Variants in BRCA2 observed in about 807,000 individuals in gnomAD.
BRCA2 encodes the protein breast cancer type 2 susceptibility protein.
BRCA2 carries 203 observed loss-of-function variants against 276.7 expected under a neutral mutation model. The observed-to-expected ratio is 0.73, with a 90% CI of 0.65 to 0.82. BRCA2 has a LOEUF of 0.82. Ranked by LOEUF, BRCA2 falls within the 40% of genes least tolerant of loss-of-function variation. BRCA2 has a pLI of 0.00. For synonymous variants in BRCA2, 1,289 were observed against 1,338.4 expected (o/e 0.96, Z 0.81); for missense variants, 3,920 against 3,915.0 (o/e 1.00, Z -0.03).
Position 32,340,859 on chromosome 13 carries a change from A to C in BRCA2, c.6504A>C (p.Gly2168=), listed in dbSNP as rs755877503. The C allele has an allele frequency of 6.2e-7, 1 of 1,600,344 alleles. No individual in the cohort carries two copies. The highest frequency in any genetic ancestry group is 1.1e-5 in the South Asian group (1 of 87,584). ...AAGACAAACAACAGTTGGTATTAGG[A>C]ACCAAAGTGTCACTTGTTGAGAACA... is the stretch of plus-strand genomic sequence containing the variant. ...FQQDKQQLVL[G]TKVSLVENIH... The change falls in exon 11 of 27, where the codon GGA becomes GGC. Residue 2168 remains glycine (G), a synonymous_variant. Coordinates refer to ENST00000380152, the MANE Select transcript of BRCA2 (RefSeq NM_000059.4).
At chr13:32,370,701 G>C in intron 19 of BRCA2, 144 bp downstream of exon 19, 1 of 994,298 alleles carries the variant, frequency 1.0e-6, no homozygotes, top group South Asian at 1.5e-5. Context: ...TCCACCTCCC[G>C]GGTTCAAGTG....
chr13:32,339,459 C>T lies in BRCA2; in HGVS notation c.5104C>T (p.Pro1702Ser), dbSNP rs80358734. The change falls in exon 11 of 27, where the codon CCA (proline) becomes TCA (serine). Residue 1702 changes from proline to serine, a missense_variant. Coordinates refer to ENST00000380152, the MANE Select transcript of BRCA2 (RefSeq NM_000059.4). ...WLREGIFDGQ[P>S]ERINTADYVG... is the part of the protein sequence containing the mutation. ...TAGAGAAGGAATATTTGATGGTCAA[C>T]CAGAAAGAATAAATACTGCAGATTA... The T allele has an allele frequency of 3.2e-6, 5 of 1,586,520 alleles. No homozygotes were observed. In the South Asian group the frequency reaches 4.6e-5, roughly 15 times the overall value.
chr13:32,368,639 A>C (rs2072804263), intron 18 of BRCA2, among the ~76,000 whole-genome samples: 1 of 151,830 alleles, frequency 6.6e-6, no homozygotes, highest in African/African-American at 2.4e-5. Context: ...GTCAGCTCAT[A>C]GGGTAGTAAT....
chr13:32,341,046 G>A lies in BRCA2; in HGVS notation c.6691G>A (p.Ala2231Thr), dbSNP rs758379999. 6.2e-7 allele frequency: 1 copy of A among 1,613,914 alleles called. No homozygotes were observed. Residue 2231 changes from alanine (A) to threonine (T), a missense_variant, in exon 11 of 27, where the codon GCT becomes ACT. Transcript: ENST00000380152. Reference protein sequence around the residue: ...NYFETEAVEIAKAFMEDDELT... With the variant: ...NYFETEAVEITKAFMEDDELT... The stretch of plus-strand genomic sequence containing the variant: ...CTTTGAAACAGAAGCAGTAGAAATT[G>A]CTAAAGCTTTTATGGAAGATGATGA...
chr13:32,331,064 T>G (rs1566221593), intron 9 of BRCA2, 34 bp downstream of exon 9: 19 of 1,488,712 alleles, frequency 1.3e-5, no homozygotes, highest in Non-Finnish European at 1.9e-6. Flanking sequence ...TACAGGTTTT[T>G]TTGTTGTTGT....
Position 32,316,523 on chromosome 13 carries a change from A to G in BRCA2, c.63A>G (p.Lys21=), listed in dbSNP as rs1280004443. ...FFEIFKTRCN[K]ADLGPISLNW... is the part of the protein sequence containing the mutation. ...AAATTTTTAAGACACGCTGCAACAAAGCAGGTATTGACAAATTTTATATAA... is the reference window on the plus strand; with the variant it reads ...AAATTTTTAAGACACGCTGCAACAAGGCAGGTATTGACAAATTTTATATAA... The change falls in exon 2 of 27, where the codon AAA becomes AAG. Residue 21 remains lysine, a synonymous_variant. Transcript: ENST00000380152. The G allele has an allele frequency of 1.2e-6, 2 of 1,613,724 alleles. No homozygotes were observed. Among genetic ancestry groups the G allele is most frequent in the East Asian group, 4.5e-5 (2 of 44,882 alleles).
Position 32,367,696 on chromosome 13 carries a change from G to A in BRCA2, c.8332-2706G>A, listed in dbSNP as rs190405464. On this transcript the variant is annotated intron_variant, in intron 18 of 26. Coordinates refer to ENST00000380152, the MANE Select transcript of BRCA2 (RefSeq NM_000059.4). The stretch of plus-strand genomic sequence containing the variant: ...TATAGTCCCAGCTACTTGAGAGGCC[G>A]TGGTGGGAGGATGACCTGAGCCCAG... 9.6e-4 allele frequency among the ~76,000 whole-genome samples: 146 copies of A among 151,490 alleles called. 1 individual carries two copies. Among genetic ancestry groups the A allele is most frequent in the Admixed American group, 3.4e-3 (52 of 15,222 alleles).
chr13:32,337,553 TA>T lies in BRCA2; in HGVS notation c.3199del (p.Thr1067LeufsTer10), dbSNP rs80359377. 6.2e-7 allele frequency: 1 copy of T among 1,607,990 alleles called. No individual in the cohort carries two copies. The highest frequency in any genetic ancestry group is 8.5e-7 in the Non-Finnish European group (1 of 1,176,898). ...AACTGAGCAAGCCTCAGTCAATTAATACTGTATCTGCACATTTACAGAGTAG... is the reference window on the plus strand; with the variant it reads ...AACTGAGCAAGCCTCAGTCAATTAATCTGTATCTGCACATTTACAGAGTAG... ...KKLSKPQSIN[T>X]VSAHLQSSVV... On this transcript the variant is annotated frameshift_variant, in exon 11 of 27. Transcript: ENST00000380152. LOFTEE classifies it high-confidence loss of function.
intron 13 of BRCA2, among the ~76,000 whole-genome samples, chr13:32,353,442 G>T (rs540249365): frequency 6.6e-6 from 1 of 150,832 alleles, no homozygotes; most frequent in Non-Finnish European, 1.5e-5. Context: ...GAACTATTCC[G>T]TGGTGTGCCA....
At chr13:32,343,709 G>GAA (rs139939339) in intron 11 of BRCA2, among the ~76,000 whole-genome samples, 7 of 147,904 alleles carry the variant, frequency 4.7e-5, no homozygotes, top group Middle Eastern at 3.5e-3. Flanking sequence ...TCCACCTAGG[G>GAA]AAAAAAAAAA....
intron 8 of BRCA2, 59 bp downstream of exon 8, chr13:32,329,551 G>T: frequency 7.8e-7 from 1 of 1,286,364 alleles, no homozygotes; most frequent in African/African-American, 1.5e-5. Context: ...GGAATGCCTT[G>T]TTAAATTATT....
chr13:32,388,781 C>G (rs1327119755), intron 24 of BRCA2, among the ~76,000 whole-genome samples: 1 of 150,364 alleles, frequency 6.7e-6, no homozygotes, highest in Non-Finnish European at 1.5e-5. Flanking sequence ...TGTTTTTAAT[C>G]TACCTTTGTC....
chr13:32,356,394 A>G (rs1433837455), intron 14 of BRCA2, 34 bp from the exon 15 acceptor site: 16 of 1,602,870 alleles, frequency 1.0e-5, no homozygotes, highest in East Asian at 2.2e-5. Context: ...TTAAATTTCA[A>G]TTTTATTTTT....
At chr13:32,352,814 T>TA (rs534519885) in intron 13 of BRCA2, among the ~76,000 whole-genome samples, 59 of 152,274 alleles carry the variant, frequency 3.9e-4, no homozygotes, top group South Asian at 3.3e-3. Flanking sequence ...TAAATACAGG[T>TA]CTTAACCTAG....
chr13:32,376,880 T>A (rs1593935141), intron 21 of BRCA2, 89 bp downstream of exon 21: 1 of 1,534,808 alleles, frequency 6.5e-7, no homozygotes. Flanking sequence ...CAGGAAGGAG[T>A]ATGTTGAAAT....
chr13:32,325,247 A>G (rs1482236152), intron 4 of BRCA2, 63 bp downstream of exon 4: 2 of 1,222,546 alleles, frequency 1.6e-6, no homozygotes, highest in East Asian at 2.6e-5. Flanking sequence ...TATTTGTTCT[A>G]TAAAGATGAA....
chr13:32,319,422 C>A (rs2138706431), intron 3 of BRCA2, 97 bp downstream of exon 3: 1 of 1,243,530 alleles, frequency 8.0e-7, no homozygotes, highest in Non-Finnish European at 1.1e-6. Context: ...TTGTGTCATG[C>A]TGGGCAAATC....
chr13:32,342,166 C>G (rs546186128), intron 11 of BRCA2, among the ~76,000 whole-genome samples: 1 of 150,222 alleles, frequency 6.7e-6, no homozygotes, highest in African/African-American at 2.4e-5. Flanking sequence ...CCAACTACTC[C>G]AGAAGCTGAG....
chr13:32,324,119 GAC>G (rs2072326663), intron 3 of BRCA2, among the ~76,000 whole-genome samples: 1 of 152,126 alleles, frequency 6.6e-6, no homozygotes, highest in Admixed American at 6.6e-5. Flanking sequence ...TGACAAATAA[GAC>G]AAAATCTCTA....
Sources: gnomAD v4.1 joint callset for allele counts (sites outside exome capture counted in the v4.1 genomes callset) on GRCh38, gnomAD v4.1.1 for gene constraint, MANE v1.5 for transcripts, NCBI Gene and HGNC (gene_info 2026-07-23, HGNC 2026-07-21) for gene names.